The following RALGPS1 variants were observed in gnomAD, a reference collection of about 807,000 sequenced individuals.
RALGPS1 encodes Ral GEF with PH domain and SH3 binding motif 1.
In RALGPS1, 19 loss-of-function variants were observed where a neutral mutation model predicts 78.8. That is an observed-to-expected ratio of 0.24 (90% CI 0.17 to 0.35). The LOEUF (loss-of-function observed/expected upper bound fraction) is 0.35. Among genes scored for constraint, RALGPS1 ranks in the 10% least tolerant of loss-of-function variants. The pLI is 1.00. For synonymous variants in RALGPS1, 228 were observed against 256.3 expected (o/e 0.89, Z 1.06); for missense variants, 454 against 688.3 (o/e 0.66, Z 3.81).
In RALGPS1 at chr9:126,974,115, C is replaced by G. The variant is rs570376416; in HGVS notation, c.166-3580C>G. On this transcript the variant is annotated intron_variant, in intron 3 of 18. Transcript: ENST00000259351. ...TCTCGAACTCCTGACCTCAAGTGAT[C>G]CGCCAGCTTCAGCCTCCCAAAGTGC... 2.6e-5 allele frequency among the ~76,000 whole-genome samples: 4 copies of G among 152,284 alleles called. No individual in the cohort carries two copies. The South Asian group carries it at 6.2e-4, about 24-fold the overall frequency.
intron 1 of RALGPS1, among the ~76,000 whole-genome samples, chr9:126,915,665 C>A (rs2034077354): frequency 6.6e-6 from 1 of 152,000 alleles, no homozygotes; most frequent in South Asian, 2.1e-4. Context: ...GCTCAGCTGC[C>A]CTGGTTACTG....
At chr9:127,014,998 A>C (rs2044686546) in intron 4 of RALGPS1, among the ~76,000 whole-genome samples, 1 of 152,220 alleles carries the variant, frequency 6.6e-6, no homozygotes, top group Non-Finnish European at 1.5e-5. Flanking sequence ...TTTGAGACTT[A>C]AATAAAATAA....
At chr9:127,146,502 A>G (rs938510412) in intron 8 of RALGPS1, among the ~76,000 whole-genome samples, 1 of 146,310 alleles carries the variant, frequency 6.8e-6, no homozygotes, top group Non-Finnish European at 1.5e-5. Flanking sequence ...TGTTTTTGCT[A>G]TTGTGAATAG....
chr9:126,977,907 G>A, intron 4 of RALGPS1, 162 bp downstream of exon 4: 1 of 514,634 alleles, frequency 1.9e-6, no homozygotes, highest in Non-Finnish European at 3.4e-6. Flanking sequence ...ATGTTTTTGA[G>A]CCCAGTATTT....
At chr9:127,049,920 C>T in intron 5 of RALGPS1, 123 bp from the exon 6 acceptor site, 1 of 729,912 alleles carries the variant, frequency 1.4e-6, no homozygotes, top group Non-Finnish European at 2.4e-6. Context: ...AGGCTATCCT[C>T]TCCCAGTTTC....
intron 1 of RALGPS1, among the ~76,000 whole-genome samples, chr9:126,928,622 A>G (rs2035518582): frequency 6.6e-6 from 1 of 151,588 alleles, no homozygotes; most frequent in East Asian, 1.9e-4. Flanking sequence ...TTTTTTGGAG[A>G]TGGAGTCTCG....
At chr9:126,966,264 A>G (rs1306883888) in intron 3 of RALGPS1, among the ~76,000 whole-genome samples, 1 of 152,174 alleles carries the variant, frequency 6.6e-6, no homozygotes, top group Non-Finnish European at 1.5e-5. Flanking sequence ...CACGCCTATA[A>G]TCCCAGTGCT....
chr9:126,938,431 T>G (rs1588525807), intron 1 of RALGPS1, among the ~76,000 whole-genome samples: 4 of 152,170 alleles, frequency 2.6e-5, no homozygotes, highest in Admixed American at 6.5e-5. Context: ...AGCTTCACCA[T>G]TGACGTGATC....
At chr9:126,968,159 T>C (rs540304422) in intron 3 of RALGPS1, among the ~76,000 whole-genome samples, 1 of 152,260 alleles carries the variant, frequency 6.6e-6, no homozygotes, top group Non-Finnish European at 1.5e-5. Context: ...CATACCACCA[T>C]GCCCAGCTAA....
chr9:127,026,257 T>C (rs1021355850), intron 4 of RALGPS1, among the ~76,000 whole-genome samples: 1 of 152,114 alleles, frequency 6.6e-6, no homozygotes, highest in Admixed American at 6.5e-5. Context: ...GTGTAGTCTT[T>C]TCACATTTTT....
intron 4 of RALGPS1, among the ~76,000 whole-genome samples, chr9:127,003,057 C>T (rs1246743292): frequency 6.6e-6 from 1 of 152,084 alleles, no homozygotes; most frequent in Admixed American, 6.6e-5. Flanking sequence ...GTTTACAGTC[C>T]CACCAACAGT....
At position 127,211,206 on chromosome 9, in the gene RALGPS1, G is replaced by T. The variant is rs1206097556; in HGVS notation, c.1248-925G>T. ...ATCCAGCATGCATCATCCAGCAGGG[G>T]TGAGAATGGTGGCTCAGATCTTAAA... On this transcript the variant is annotated intron_variant, in intron 14 of 18. Transcript: ENST00000259351. The surrounding 1 kb of genome is among the most constrained non-coding windows in gnomAD (Gnocchi z 5.0). Among the ~76,000 whole-genome samples the T allele has an allele frequency of 6.6e-6, 1 of 152,190 alleles. No individual in the cohort carries two copies. The highest frequency in any genetic ancestry group is 1.9e-4 in the East Asian group (1 of 5,188).
intron 4 of RALGPS1, among the ~76,000 whole-genome samples, chr9:127,005,986 T>G (rs1158884171): frequency 1.3e-5 from 2 of 152,208 alleles, no homozygotes; most frequent in Non-Finnish European, 2.9e-5. Flanking sequence ...TAGATGTGAA[T>G]ACAGCTTTCG....
chr9:127,148,110 C>T (rs2058204151), intron 8 of RALGPS1, among the ~76,000 whole-genome samples: 2 of 152,230 alleles, frequency 1.3e-5, no homozygotes, highest in Non-Finnish European at 2.9e-5. Flanking sequence ...TTTTTGAGCA[C>T]ACATGTCTTA....
At chr9:127,088,195 A>G (rs960329470) in intron 8 of RALGPS1, 2 of 152,292 alleles carry the variant, frequency 1.3e-5, no homozygotes, top group African/African-American at 4.8e-5. Flanking sequence ...AAATGAAGGG[A>G]TAAGTGGGTG....
chr9:127,071,962 C>T (rs1353800654), intron 8 of RALGPS1, among the ~76,000 whole-genome samples: 2 of 152,168 alleles, frequency 1.3e-5, no homozygotes, highest in African/African-American at 2.4e-5. Flanking sequence ...AGCAGTCATT[C>T]GCATTTCCCT....
At chr9:127,114,028 G>T (rs1224556197) in intron 8 of RALGPS1, among the ~76,000 whole-genome samples, 3 of 152,234 alleles carry the variant, frequency 2.0e-5, no homozygotes, top group Admixed American at 2.0e-4. Context: ...AATGAGAAAA[G>T]TTCCAGCAAT....
At position 126,999,756 on chromosome 9, in the gene RALGPS1, G is replaced by A. The variant is rs144696782; in HGVS notation, c.216+22011G>A. Among the ~76,000 whole-genome samples the A allele has an allele frequency of 5.1e-3, 769 of 152,092 alleles. 5 individuals are homozygous for A. The highest frequency in any genetic ancestry group is 0.017 in the African/African-American group (701 of 41,494). ...GATATCTTGATTGCTTCAAAGTTTC[G>A]GCAATTATGAATAAAGCTTCTGTAA... On this transcript the variant is annotated intron_variant, in intron 4 of 18. Coordinates refer to ENST00000259351, the MANE Select transcript of RALGPS1 (RefSeq NM_014636.3).
chr9:127,021,818 A>C (rs1316679212), intron 4 of RALGPS1, among the ~76,000 whole-genome samples: 4 of 152,114 alleles, frequency 2.6e-5, no homozygotes, highest in African/African-American at 9.7e-5. Context: ...TCAGTCCGCT[A>C]ATCGGGCTCT....
Sources: gnomAD v4.1 joint callset for allele counts (sites outside exome capture counted in the v4.1 genomes callset) on GRCh38, gnomAD v4.1.1 for gene constraint, Gnocchi (gnomAD v3.1) non-coding constraint, MANE v1.5 for transcripts, NCBI Gene and HGNC (gene_info 2026-07-23, HGNC 2026-07-21) for gene names.